CDH7: variants seen among roughly 807,000 people sequenced by gnomAD.
CDH7 encodes the protein cadherin-7.
Under a neutral mutation model 71.8 loss-of-function variants are expected in CDH7, and 25 were observed. That is an observed-to-expected ratio of 0.35 (90% CI 0.25 to 0.49). CDH7 has a LOEUF of 0.49. CDH7 is among the 20% of genes least tolerant of loss of function. The pLI is 0.99. For synonymous variants in CDH7, 381 were observed against 363.8 expected (o/e 1.05, Z -0.54); for missense variants, 862 against 974.6 (o/e 0.88, Z 1.54).
At chr18:65,823,971 T>C (rs961529853) in intron 5 of CDH7, among the ~76,000 whole-genome samples, 1 of 151,894 alleles carries the variant, frequency 6.6e-6, no homozygotes, top group Non-Finnish European at 1.5e-5. Flanking sequence ...GTTTGAGGGA[T>C]GGTGAAGAGG....
intron 2 of CDH7, among the ~76,000 whole-genome samples, chr18:65,795,036 G>A (rs1910859811): frequency 6.6e-6 from 1 of 152,092 alleles, no homozygotes; most frequent in Non-Finnish European, 1.5e-5. Flanking sequence ...ATTCAGGGTT[G>A]CAAATATGAA....
chr18:65,764,669 G>A (rs1289916655), intron 2 of CDH7, among the ~76,000 whole-genome samples: 4 of 151,956 alleles, frequency 2.6e-5, no homozygotes, highest in Admixed American at 2.0e-4. Context: ...TGTATAAAAG[G>A]AAGTAATAGT....
At chr18:65,867,810 C>A (rs915740597) in intron 11 of CDH7, among the ~76,000 whole-genome samples, 1 of 152,264 alleles carries the variant, frequency 6.6e-6, no homozygotes, top group East Asian at 1.9e-4. Flanking sequence ...ACCAGCCCAG[C>A]TTCATAAACT....
At chr18:65,860,498 A>G (rs1247797011) in intron 10 of CDH7, among the ~76,000 whole-genome samples, 3 of 152,162 alleles carry the variant, frequency 2.0e-5, no homozygotes, top group African/African-American at 4.8e-5. Flanking sequence ...ATTGACAGTT[A>G]TAAGAACTTA....
intron 7 of CDH7, among the ~76,000 whole-genome samples, chr18:65,846,932 C>G (rs1912953644): frequency 6.6e-6 from 1 of 152,202 alleles, no homozygotes; most frequent in South Asian, 2.1e-4. Context: ...ATTGTGTTTC[C>G]ATGCCATTTT....
At chr18:65,861,169 A>G (rs1379870672) in intron 10 of CDH7, among the ~76,000 whole-genome samples, 2 of 152,156 alleles carry the variant, frequency 1.3e-5, no homozygotes, top group Non-Finnish European at 2.9e-5. Flanking sequence ...AAAATTGTCT[A>G]CCTTAAGCCC....
chr18:65,839,225 A>T (rs571745246), intron 6 of CDH7, among the ~76,000 whole-genome samples: 3 of 152,218 alleles, frequency 2.0e-5, no homozygotes, highest in Non-Finnish European at 4.4e-5. Context: ...TTGGGCTACT[A>T]TAACAGAAAT....
At chr18:65,878,345 A>G (rs1273156328) in intron 11 of CDH7, among the ~76,000 whole-genome samples, 1 of 152,196 alleles carries the variant, frequency 6.6e-6, no homozygotes, top group Non-Finnish European at 1.5e-5. Context: ...CACTGTGAAG[A>G]TTGATGTTGA....
chr18:65,838,679 C>T (rs1912619697), intron 6 of CDH7, among the ~76,000 whole-genome samples: 1 of 152,046 alleles, frequency 6.6e-6, no homozygotes, highest in Non-Finnish European at 1.5e-5. Flanking sequence ...AAACCAGAAG[C>T]AAAGCTATAT....
chr18:65,763,129 A>G, intron 2 of CDH7, 77 bp downstream of exon 2: 2 of 765,726 alleles, frequency 2.6e-6, no homozygotes, highest in East Asian at 3.2e-5. Flanking sequence ...TGCTATATAT[A>G]TATAAAATTT....
chr18:65,849,076 A>C (rs1172482669), intron 7 of CDH7, among the ~76,000 whole-genome samples: 1 of 152,210 alleles, frequency 6.6e-6, no homozygotes, highest in African/African-American at 2.4e-5. Context: ...GTAACATAAC[A>C]TACAGAAAAA....
At chr18:65,873,660 T>C (rs1306472875) in intron 11 of CDH7, among the ~76,000 whole-genome samples, 1 of 152,208 alleles carries the variant, frequency 6.6e-6, no homozygotes, top group Non-Finnish European at 1.5e-5. Flanking sequence ...CACATGCAGC[T>C]AGTGGCAACT....
At chr18:65,842,367 A>G (rs574967770) in intron 6 of CDH7, among the ~76,000 whole-genome samples, 1 of 151,440 alleles carries the variant, frequency 6.6e-6, no homozygotes, top group African/African-American at 2.4e-5. Flanking sequence ...TTGTAAGCCT[A>G]TTTTGTATAT....
Position 65,782,180 on chromosome 18 carries a change from T to TTCTTTCTC in CDH7, c.210+19135_210+19136insCTCTTTCT, listed in dbSNP as rs1568182819. Among the ~76,000 whole-genome samples the TTCTTTCTC allele has an allele frequency of 7.1e-4, 99 of 138,658 alleles. 14 individuals are homozygous for TTCTTTCTC. The highest frequency in any genetic ancestry group is 2.9e-3 in the African/African-American group (94 of 32,952). The allele number at this position is 138,658 out of a possible 152,430, so 91.0% of individuals were successfully genotyped here. On this transcript the variant is annotated intron_variant, in intron 2 of 11. Transcript: ENST00000397968. ...TTTCTTTCTTCCTTTCTTTCTTTCT[T>TTCTTTCTC]TCTTTCTTGACAGAGTCTCACTCCG...
chr18:65,788,710 G>C (rs1318631726), intron 2 of CDH7, among the ~76,000 whole-genome samples: 1 of 152,228 alleles, frequency 6.6e-6, no homozygotes, highest in Non-Finnish European at 1.5e-5. Flanking sequence ...TCAAAGAACA[G>C]AATAGTGAAT....
intron 2 of CDH7, among the ~76,000 whole-genome samples, chr18:65,785,357 T>A (rs1004991222): frequency 2.0e-5 from 3 of 152,110 alleles, no homozygotes; most frequent in African/African-American, 7.2e-5. Flanking sequence ...GTGTTGTAGA[T>A]AAGGTTATGT....
chr18:65,844,941 T>C (rs1912884207), intron 7 of CDH7, among the ~76,000 whole-genome samples: 1 of 152,074 alleles, frequency 6.6e-6, no homozygotes, highest in Non-Finnish European at 1.5e-5. Context: ...GATTGTTTTA[T>C]CTTCAGATAT....
chr18:65,754,142 T>C (rs1471041587), intron 1 of CDH7, among the ~76,000 whole-genome samples: 2 of 152,268 alleles, frequency 1.3e-5, no homozygotes, highest in Non-Finnish European at 2.9e-5. Flanking sequence ...CTTTTTAATT[T>C]ACGAATGTTT....
chr18:65,794,634 G>A (rs2143866416), intron 2 of CDH7, among the ~76,000 whole-genome samples: 1 of 151,890 alleles, frequency 6.6e-6, no homozygotes, highest in South Asian at 2.1e-4. Context: ...TTAAGTTCAC[G>A]TTTTTGCCTT....
Sources: allele counts gnomAD v4.1 joint callset (sites outside exome capture counted in the v4.1 genomes callset), GRCh38; gene constraint gnomAD v4.1.1; transcripts MANE v1.5; gene names NCBI Gene and HGNC (gene_info 2026-07-23, HGNC 2026-07-21).